The following GAB4 variants were observed in gnomAD, a reference collection of about 807,000 sequenced individuals.
GAB4 encodes GRB2-associated-binding protein 4.
A neutral mutation model predicts 51.3 loss-of-function variants in GAB4; 26 were observed. That is an observed-to-expected ratio of 0.51 (90% CI 0.37 to 0.70). The LOEUF is 0.70. GAB4 is among the 30% of genes least tolerant of loss of function. The pLI, the probability that GAB4 is intolerant of heterozygous loss-of-function variation, is 0.00. For missense variants in GAB4, 759 were observed against 734.6 expected (o/e 1.03, Z -0.38); for synonymous variants, 329 against 291.2 (o/e 1.13, Z -1.32).
intron 1 of GAB4, among the ~76,000 whole-genome samples, chr22:17,007,436 G>A (rs2061049891): frequency 6.6e-6 from 1 of 152,106 alleles, no homozygotes. Flanking sequence ...GCGAGCGGGT[G>A]CGAGGTGCCC....
chr22:16,972,853 C>T (rs942474783), intron 3 of GAB4, among the ~76,000 whole-genome samples: 17 of 152,206 alleles, frequency 1.1e-4, no homozygotes, highest in African/African-American at 4.1e-4. Flanking sequence ...CCAGCTTAAA[C>T]ATCTCCACCA....
At chr22:16,984,887 G>A (rs1387455166) in intron 3 of GAB4, among the ~76,000 whole-genome samples, 1 of 152,152 alleles carries the variant, frequency 6.6e-6, no homozygotes, top group East Asian at 1.9e-4. Context: ...CTAGAAAGAT[G>A]GAGTTTCCAG....
At chr22:17,006,358 A>G (rs1373386558) in intron 1 of GAB4, among the ~76,000 whole-genome samples, 2 of 152,200 alleles carry the variant, frequency 1.3e-5, no homozygotes, top group East Asian at 3.8e-4. Context: ...AGGAAACAAC[A>G]GATGCTGGAG....
intron 1 of GAB4, among the ~76,000 whole-genome samples, chr22:16,992,531 TA>T (rs1020971216): frequency 4.6e-5 from 7 of 152,224 alleles, no homozygotes; most frequent in Admixed American, 3.9e-4. Context: ...CCTTAGTTTA[TA>T]GATGGGGACC....
intron 1 of GAB4, among the ~76,000 whole-genome samples, chr22:16,992,775 A>G (rs1450235418): frequency 1.3e-5 from 2 of 152,100 alleles, no homozygotes; most frequent in South Asian, 2.1e-4. Context: ...CTGGAGTGCA[A>G]TGGTGGCACA....
intron 1 of GAB4, among the ~76,000 whole-genome samples, chr22:16,993,799 C>G (rs5994122): frequency 1.9e-4 from 29 of 152,262 alleles, no homozygotes; most frequent in African/African-American, 5.5e-4. Context: ...CCTCCAACAC[C>G]CTTATTTCTT....
At chr22:17,004,878 A>T (rs2061027868) in intron 1 of GAB4, among the ~76,000 whole-genome samples, 1 of 152,210 alleles carries the variant, frequency 6.6e-6, no homozygotes, top group Non-Finnish European at 1.5e-5. Context: ...TTTATGACAA[A>T]CCCACAGCTA....
chr22:16,986,254 C>T (rs57256936), intron 3 of GAB4, among the ~76,000 whole-genome samples: 1 of 152,146 alleles, frequency 6.6e-6, no homozygotes, highest in Non-Finnish European at 1.5e-5. Flanking sequence ...AGGACCCACC[C>T]TAGGTTCGCT....
rs1410394453 is a variant in GAB4 at position 16,983,123 on chromosome 22, G to GA, written c.686+4836dup. Among the ~76,000 whole-genome samples, 7 of 152,276 alleles carry GA rather than the reference G, an allele frequency of 4.6e-5. No homozygotes were observed. In the East Asian group the frequency reaches 5.8e-4, roughly 13 times the overall value. On this transcript the variant is annotated intron_variant, in intron 3 of 9. Coordinates refer to ENST00000400588, the MANE Select transcript of GAB4 (RefSeq NM_001037814.1). Reference sequence around the variant, plus strand: ...CAGAACATGTTCCATATGCTTCAAAGAAAATGCTAAACCGTCACAGGTGTA... The same window carrying GA: ...CAGAACATGTTCCATATGCTTCAAAGAAAAATGCTAAACCGTCACAGGTGTA...
intron 1 of GAB4, among the ~76,000 whole-genome samples, chr22:17,007,326 T>C (rs137899325): frequency 1.4e-4 from 22 of 152,312 alleles, no homozygotes; most frequent in African/African-American, 5.1e-4. Flanking sequence ...TGAATTAATA[T>C]ATAGAAAACT....
chr22:16,986,627 T>C (rs1300882844), intron 3 of GAB4, among the ~76,000 whole-genome samples: 2 of 152,248 alleles, frequency 1.3e-5, no homozygotes, highest in Non-Finnish European at 2.9e-5. Context: ...ATCTGGCCGA[T>C]GCCAAGCCTG....
intron 1 of GAB4, among the ~76,000 whole-genome samples, chr22:16,994,456 G>A (rs1003053528): frequency 6.6e-6 from 1 of 152,222 alleles, no homozygotes; most frequent in South Asian, 2.1e-4. Flanking sequence ...GATTCTGTGT[G>A]TACATGGTGC....
At chr22:16,999,006 A>C (rs1037910110) in intron 1 of GAB4, among the ~76,000 whole-genome samples, 3 of 152,122 alleles carry the variant, frequency 2.0e-5, no homozygotes, top group Non-Finnish European at 4.4e-5. Flanking sequence ...GATCGTGGTG[A>C]ATAAGCGTTT....
At chr22:16,991,371 T>C (rs1601280761) in intron 2 of GAB4, among the ~76,000 whole-genome samples, 1 of 151,294 alleles carries the variant, frequency 6.6e-6, no homozygotes, top group East Asian at 1.9e-4. Context: ...AGGATGAGCC[T>C]GAACAAATGT....
chr22:16,966,317 G>T lies in GAB4; in HGVS notation c.1071C>A (p.Gly357=), dbSNP rs1277410244. ...VGLSDSIASE[G]SCVPMNPGSP... is the part of the protein sequence containing the mutation. Reference sequence around the variant, plus strand: ...AGCCTGGGTTCATGGGCACACAGCTGCCCTCAGAAGCAATGCTGTCTGACA... The same window carrying T: ...AGCCTGGGTTCATGGGCACACAGCTTCCCTCAGAAGCAATGCTGTCTGACA... The change falls in exon 6 of 10, where the codon GGC becomes GGA. Residue 357 remains glycine (G), a synonymous_variant. Transcript: ENST00000400588. 3.1e-6 allele frequency: 5 copies of T among 1,613,604 alleles called. No individual in the cohort carries two copies. Among genetic ancestry groups the T allele is most frequent in the Non-Finnish European group, 4.2e-6 (5 of 1,179,878 alleles).
Position 16,962,614 on chromosome 22 carries a change from T to C in GAB4, c.*119A>G, listed in dbSNP as rs867701102. 40 of 911,582 alleles carry C rather than the reference T, an allele frequency of 4.4e-5. No individual in the cohort carries two copies. In the Admixed American group the frequency reaches 7.6e-4, roughly 17 times the overall value. 56.5% of individuals were successfully genotyped at this position (911,582 alleles called of 1,614,324 possible). On this transcript the variant is annotated 3_prime_UTR_variant, in exon 10 of 10. Coordinates refer to ENST00000400588, the MANE Select transcript of GAB4 (RefSeq NM_001037814.1). ...GCCCCAAGCAGGCAAAGGATGTATA[T>C]TGATCAGGCCTCTGCTCTCTATGTA...
At chr22:16,973,634 T>A (rs1601256973) in intron 3 of GAB4, among the ~76,000 whole-genome samples, 2 of 152,226 alleles carry the variant, frequency 1.3e-5, no homozygotes, top group Admixed American at 6.5e-5. Flanking sequence ...AGACTTTCTA[T>A]CTACAAAAGA....
At position 17,008,028 on chromosome 22, in the gene GAB4, G is replaced by A. The variant is rs763796525; in HGVS notation, c.87C>T (p.Gly29=). 3.1e-6 allele frequency: 5 copies of A among 1,609,238 alleles called. No homozygotes were observed. The South Asian group carries it at 5.6e-5, about 18-fold the overall frequency. ...CACTTCTCGTGCTTCCGCCGGCGGGGCCACTTCCGGGCCACGAAGACAAAG... is the reference window on the plus strand; with the variant it reads ...CACTTCTCGTGCTTCCGCCGGCGGGACCACTTCCGGGCCACGAAGACAAAG... ...FAPLSSWPGS[G]PAGGSTRSGH... is the part of the protein sequence containing the mutation. The change falls in exon 1 of 10, where the codon GGC becomes GGT. Residue 29 remains glycine (G), a synonymous_variant. Transcript: ENST00000400588.
At chr22:17,004,667 G>A (rs2061025861) in intron 1 of GAB4, among the ~76,000 whole-genome samples, 1 of 151,616 alleles carries the variant, frequency 6.6e-6, no homozygotes, top group Non-Finnish European at 1.5e-5. Context: ...AAGTATTGAT[G>A]GAACGTATCT....
Sources: allele counts gnomAD v4.1 joint callset (sites outside exome capture counted in the v4.1 genomes callset), GRCh38; gene constraint gnomAD v4.1.1; transcripts MANE v1.5; gene names NCBI Gene and HGNC (gene_info 2026-07-23, HGNC 2026-07-21).